IMMP2L: variants seen among roughly 807,000 people sequenced by gnomAD.
IMMP2L encodes inner mitochondrial membrane peptidase subunit 2, also known as mitochondrial inner membrane protease subunit 2.
Under a neutral mutation model 19.3 loss-of-function variants are expected in IMMP2L, and 18 were observed. That is an observed-to-expected ratio of 0.93 (90% CI 0.64 to 1.38). The LOEUF (loss-of-function observed/expected upper bound fraction) is 1.38. IMMP2L is among the 40% of genes most tolerant of loss of function. IMMP2L has a pLI of 0.00. For synonymous variants in IMMP2L, 76 were observed against 73.0 expected (o/e 1.04, Z -0.21); for missense variants, 233 against 218.2 (o/e 1.07, Z -0.43).
chr7:111,263,599 C>T (rs1016260005), intron 3 of IMMP2L, among the ~76,000 whole-genome samples: 17 of 152,054 alleles, frequency 1.1e-4, no homozygotes, highest in African/African-American at 4.1e-4. Context: ...CTGGGATAGA[C>T]AGATAAATTT....
chr7:111,123,996 G>C lies in IMMP2L; in HGVS notation c.240-160431C>G, dbSNP rs778483109. On this transcript the variant is annotated intron_variant, in intron 3 of 5. Transcript: ENST00000405709. The surrounding 1 kb of genome is among the most constrained non-coding windows in gnomAD (Gnocchi z 6.4). ...CTGAATTCCAAGGTCAGAATGTTCG[G>C]CAAGTGCATTTCAGGGACATGATGG... 6.2e-7 allele frequency: 1 copy of C among 1,614,038 alleles called. No individual in the cohort carries two copies. Among genetic ancestry groups the C allele is most frequent in the Non-Finnish European group, 8.5e-7 (1 of 1,179,978 alleles).
intron 3 of IMMP2L, among the ~76,000 whole-genome samples, chr7:111,150,442 G>GA (rs934955177): frequency 1.4e-4 from 21 of 152,028 alleles, no homozygotes; most frequent in Admixed American, 7.9e-4. Context: ...TAAAGATCGT[G>GA]AAAAAACCAC....
At chr7:110,772,523 C>G (rs545687903) in intron 5 of IMMP2L, among the ~76,000 whole-genome samples, 14 of 152,274 alleles carry the variant, frequency 9.2e-5, no homozygotes, top group African/African-American at 2.9e-4. Flanking sequence ...CCTACACTGG[C>G]TATGACCAGC....
intron 3 of IMMP2L, among the ~76,000 whole-genome samples, chr7:111,462,595 C>T (rs1369248110): frequency 6.6e-6 from 1 of 152,106 alleles, no homozygotes; most frequent in East Asian, 1.9e-4. Flanking sequence ...GTGCAATCAT[C>T]AAATCAGGGT....
At chr7:111,394,488 G>C (rs1832683257) in intron 3 of IMMP2L, among the ~76,000 whole-genome samples, 4 of 151,880 alleles carry the variant, frequency 2.6e-5, no homozygotes. Flanking sequence ...TTGTTTGTTT[G>C]TTTTCTATCC....
intron 3 of IMMP2L, among the ~76,000 whole-genome samples, chr7:111,011,056 G>C (rs1824892530): frequency 6.6e-6 from 1 of 152,034 alleles, no homozygotes; most frequent in Admixed American, 6.6e-5. Flanking sequence ...CAGTAGATGA[G>C]AGTAATCCTT....
At chr7:111,484,977 A>T (rs112037715) in intron 3 of IMMP2L, among the ~76,000 whole-genome samples, 4 of 152,106 alleles carry the variant, frequency 2.6e-5, no homozygotes, top group African/African-American at 9.6e-5. Flanking sequence ...TTGTAGAGAC[A>T]GGGTTTCACC....
chr7:111,293,022 C>A (rs1474414396), intron 3 of IMMP2L, among the ~76,000 whole-genome samples: 1 of 151,982 alleles, frequency 6.6e-6, no homozygotes, highest in Non-Finnish European at 1.5e-5. Flanking sequence ...TTAGCATATA[C>A]CTCACCATCC....
chr7:111,176,418 C>G (rs1807068684), intron 3 of IMMP2L, among the ~76,000 whole-genome samples: 1 of 151,930 alleles, frequency 6.6e-6, no homozygotes, highest in Non-Finnish European at 1.5e-5. Flanking sequence ...TACATATACA[C>G]AATGGAGTAC....
intron 3 of IMMP2L, among the ~76,000 whole-genome samples, chr7:111,241,425 G>C (rs1477401609): frequency 2.0e-5 from 3 of 151,898 alleles, no homozygotes; most frequent in East Asian, 1.9e-4. Flanking sequence ...AAATACATAT[G>C]CTCTGGAACT....
At chr7:111,391,761 GACAA>G (rs927841545) in intron 3 of IMMP2L, 5 of 592,328 alleles carry the variant, frequency 8.4e-6, no homozygotes, top group Non-Finnish European at 1.2e-5. Flanking sequence ...ATGGCAAAAA[GACAA>G]ACAACTACGA....
chr7:111,304,154 G>C (rs770651518), intron 3 of IMMP2L, among the ~76,000 whole-genome samples: 2 of 152,048 alleles, frequency 1.3e-5, no homozygotes, highest in Non-Finnish European at 2.9e-5. Flanking sequence ...AATGGTCAAA[G>C]CTTGTGTGAA....
intron 1 of IMMP2L, among the ~76,000 whole-genome samples, chr7:111,530,958 A>ATT (rs145159226): frequency 2.8e-5 from 4 of 143,308 alleles, no homozygotes; most frequent in Admixed American, 1.4e-4. Context: ...CTGAATATTA[A>ATT]TTTTTTTTTT....
At chr7:111,529,403 T>G (rs965093092) in intron 1 of IMMP2L, among the ~76,000 whole-genome samples, 67 of 152,180 alleles carry the variant, frequency 4.4e-4, no homozygotes, top group Non-Finnish European at 8.4e-4. Context: ...TAAAAAATTT[T>G]TTCAGGACTA....
chr7:110,668,676 G>A (rs1406462939), intron 5 of IMMP2L, among the ~76,000 whole-genome samples: 1 of 151,838 alleles, frequency 6.6e-6, no homozygotes, highest in Non-Finnish European at 1.5e-5. Flanking sequence ...CTTGCTTCCT[G>A]AAAAAAATAA....
intron 3 of IMMP2L, among the ~76,000 whole-genome samples, chr7:111,033,437 T>C (rs771012185): frequency 1.6e-4 from 25 of 152,110 alleles, no homozygotes; most frequent in Non-Finnish European, 2.4e-4. Flanking sequence ...CTAAATAGAC[T>C]CTCATCATAT....
chr7:111,182,291 C>T (rs563482487), intron 3 of IMMP2L, among the ~76,000 whole-genome samples: 65 of 152,048 alleles, frequency 4.3e-4, no homozygotes, highest in African/African-American at 1.4e-3. Flanking sequence ...AAATCCATAG[C>T]TTGTTTTCTA....
At chr7:111,526,247 A>T (rs1332710639) in intron 1 of IMMP2L, among the ~76,000 whole-genome samples, 1 of 152,186 alleles carries the variant, frequency 6.6e-6, no homozygotes, top group African/African-American at 2.4e-5. Flanking sequence ...AACTCTCACT[A>T]AACAATACCT....
chr7:110,967,408 T>C (rs1819654687), intron 3 of IMMP2L, among the ~76,000 whole-genome samples: 1 of 152,032 alleles, frequency 6.6e-6, no homozygotes, highest in South Asian at 2.1e-4. Context: ...ACCCCCACCC[T>C]GATCCTGGTG....
Sources: allele counts gnomAD v4.1 joint callset (sites outside exome capture counted in the v4.1 genomes callset), GRCh38; gene constraint gnomAD v4.1.1; non-coding constraint Gnocchi (gnomAD v3.1); transcripts MANE v1.5; gene names NCBI Gene and HGNC (gene_info 2026-07-23, HGNC 2026-07-21).